Variants in ZNF714 observed in about 807,000 individuals in gnomAD.
ZNF714 encodes the protein zinc finger protein 714.
ZNF714 carries 32 observed loss-of-function variants against 46.2 expected under a neutral mutation model. The ratio of observed to expected loss-of-function variants is 0.69; its 90% CI spans 0.52 to 0.93. The LOEUF (loss-of-function observed/expected upper bound fraction) is 0.93, where lower values mean the gene tolerates loss of function less well. ZNF714 is among the 40% of genes least tolerant of loss of function. The pLI, the probability that ZNF714 is intolerant of heterozygous loss-of-function variation, is 0.00. For synonymous variants in ZNF714, 199 were observed against 213.1 expected (o/e 0.93, Z 0.58); for missense variants, 635 against 646.3 (o/e 0.98, Z 0.19).
rs899593487 is a variant in ZNF714 at position 21,122,343 on chromosome 19, T to C, written c.*4011T>C. The C allele has an allele frequency of 6.6e-6, 1 of 152,194 alleles. No homozygotes were observed. Among genetic ancestry groups the C allele is most frequent in the African/African-American group, 2.4e-5 (1 of 41,466 alleles). 9.4% of individuals were successfully genotyped at this position (152,194 alleles called of 1,614,324 possible). ...TGGAGTGGACATTTTTTCCAGACTATAAAACTGAATCTTGCTGAATTTAAA... is the reference window on the plus strand; with the variant it reads ...TGGAGTGGACATTTTTTCCAGACTACAAAACTGAATCTTGCTGAATTTAAA... On this transcript the variant is annotated 3_prime_UTR_variant, in exon 5 of 5. Coordinates refer to ENST00000456283, the MANE Select transcript of ZNF714 (RefSeq NM_182515.4).
At chr19:21,082,381 G>A (rs1968671489) in intron 1 of ZNF714, 33 bp downstream of exon 1, 1 of 1,456,306 alleles carries the variant, frequency 6.9e-7, no homozygotes, top group Non-Finnish European at 9.3e-7. Flanking sequence ...CCCGAGAGAG[G>A]GGAAGGGGCG....
intron 2 of ZNF714, among the ~76,000 whole-genome samples, chr19:21,085,189 T>C (rs1968747807): frequency 6.6e-6 from 1 of 152,148 alleles, no homozygotes; most frequent in Admixed American, 6.5e-5. Flanking sequence ...TACATGTCCA[T>C]AAGAAAATGT....
chr19:21,107,762 A>G (rs939788943), intron 4 of ZNF714, among the ~76,000 whole-genome samples: 2 of 152,106 alleles, frequency 1.3e-5, no homozygotes, highest in Admixed American at 6.5e-5. Context: ...AGCTCAAGCA[A>G]TCTTCCTGCC....
At chr19:21,104,604 T>A (rs1318763996) in intron 4 of ZNF714, among the ~76,000 whole-genome samples, 7 of 145,970 alleles carry the variant, frequency 4.8e-5, no homozygotes, top group African/African-American at 1.9e-4. Flanking sequence ...TTTTATTTAT[T>A]TATATATTTA....
In ZNF714 at chr19:21,121,108, T is replaced by G. The variant is rs550911522; in HGVS notation, c.*2776T>G. The G allele has an allele frequency of 6.6e-6, 1 of 152,228 alleles. No homozygotes were observed. The highest frequency in any genetic ancestry group is 1.5e-5 in the Non-Finnish European group (1 of 68,050). The allele number at this position is 152,228 out of a possible 1,614,324, so 9.4% of individuals were successfully genotyped here. On this transcript the variant is annotated 3_prime_UTR_variant, in exon 5 of 5. Transcript: ENST00000456283. ...GCTGGAGTGTGCAATCTCGGCTCAC[T>G]GCAAGCTCCACTTCCCGGGTTCACG...
chr19:21,085,276 G>A (rs1968749140), intron 2 of ZNF714, among the ~76,000 whole-genome samples: 1 of 152,148 alleles, frequency 6.6e-6, no homozygotes, highest in Non-Finnish European at 1.5e-5. Flanking sequence ...TTTTGACAGT[G>A]AATATCTGTG....
At chr19:21,097,806 A>G (rs1969079839) in intron 2 of ZNF714, among the ~76,000 whole-genome samples, 1 of 151,596 alleles carries the variant, frequency 6.6e-6, no homozygotes, top group Non-Finnish European at 1.5e-5. Flanking sequence ...TCACAACAGG[A>G]TCTCCAGTTT....
chr19:21,116,657 T>A, intron 4 of ZNF714, 150 bp from the exon 5 acceptor site: 1 of 991,722 alleles, frequency 1.0e-6, no homozygotes, highest in Non-Finnish European at 1.4e-6. Flanking sequence ...TATGCTTTTA[T>A]TACATTTATA....
In ZNF714 at chr19:21,116,999, C is replaced by A. The variant is rs764206279; in HGVS notation, c.335C>A (p.Thr112Asn). ...YNELNQCLTT[T>N]QSKIFPCDKY... is the part of the protein sequence containing the mutation. ...GAACTAAACCAGTGTTTGACAACTA[C>A]CCAGAGCAAAATATTTCCATGTGAT... The change falls in exon 5 of 5, where the codon ACC becomes AAC. Residue 112 changes from threonine (T) to asparagine (N), a missense_variant. Thr to Asn is a moderately conservative substitution (Grantham distance 65). Coordinates refer to ENST00000456283, the MANE Select transcript of ZNF714 (RefSeq NM_182515.4). 1 of 1,613,626 alleles carries A rather than the reference C, an allele frequency of 6.2e-7. No homozygotes were observed. Among genetic ancestry groups the A allele is most frequent in the South Asian group, 1.1e-5 (1 of 91,044 alleles).
chr19:21,119,045 C>A lies in ZNF714; in HGVS notation c.*713C>A. The A allele has an allele frequency of 2.4e-6, 1 of 417,040 alleles. No homozygotes were observed. The highest frequency in any genetic ancestry group is 7.8e-5 in the East Asian group (1 of 12,896). The allele number at this position is 417,040 out of a possible 1,614,324, so 25.8% of individuals were successfully genotyped here. ...CCATTAATATATGTTCATATCTCAA[C>A]ACCAGATAGTTCATACTTAATAAAA... On this transcript the variant is annotated 3_prime_UTR_variant, in exon 5 of 5. Transcript: ENST00000456283.
rs748687434 is a variant in ZNF714 at position 21,117,653 on chromosome 19, A to C, written c.989A>C (p.Lys330Thr). The C allele has an allele frequency of 4.3e-6, 7 of 1,609,612 alleles. No individual in the cohort carries two copies. In the Admixed American group the frequency reaches 1.2e-4, roughly 27 times the overall value. Residue 330 changes from lysine (K) to threonine (T), a missense_variant, in exon 5 of 5, where the codon AAA (lysine) becomes ACA (threonine). By Grantham distance (78) the Lys-to-Thr change is moderately conservative. Transcript: ENST00000456283. ...KGFNWSSTLTKHKRIHTGEKP... is the reference protein window; with the variant it reads ...KGFNWSSTLTTHKRIHTGEKP... ...TTTAACTGGTCTTCAACCCTTACAA[A>C]ACATAAAAGAATTCATACTGGAGAG...
rs772882547 is a variant in ZNF714, at chr19:21,117,590, G to C, written c.926G>C (p.Gly309Ala). 3 of 1,608,892 alleles carry C rather than the reference G, an allele frequency of 1.9e-6. No homozygotes were observed. Among genetic ancestry groups the C allele is most frequent in the South Asian group, 2.2e-5 (2 of 90,668 alleles). Residue 309 changes from glycine (G) to alanine (A), a missense_variant, in exon 5 of 5, where the codon GGA (glycine) becomes GCA (alanine). Transcript: ENST00000456283. ...ACTAAACATAAGATAATTCATTCTG[G>C]AGAGAAATCTTACAAATGTGAACAA... ...YLTKHKIIHS[G>A]EKSYKCEQCG...
chr19:21,112,331 G>A (rs1290431278), intron 4 of ZNF714, among the ~76,000 whole-genome samples: 1 of 152,158 alleles, frequency 6.6e-6, no homozygotes, highest in African/African-American at 2.4e-5. Flanking sequence ...GGATGGATAT[G>A]TCCAGCAGTT....
intron 4 of ZNF714, among the ~76,000 whole-genome samples, chr19:21,099,170 T>C (rs1351440475): frequency 1.3e-5 from 2 of 151,388 alleles, no homozygotes; most frequent in Admixed American, 1.3e-4. Context: ...CACTGTTTTT[T>C]TTTGTTTTGT....
At position 21,086,574 on chromosome 19, in the gene ZNF714, C is replaced by T. The variant is rs375676528; in HGVS notation, c.-85+2505C>T. On this transcript the variant is annotated intron_variant, in intron 2 of 4. Transcript: ENST00000456283. ...GCAGTGAGGGTGACCAGAGGTCACT[C>T]TCGTCACATCTTGGTTTTGGTGGGT... Among the ~76,000 whole-genome samples the T allele has an allele frequency of 2.6e-5, 4 of 152,086 alleles. No homozygotes were observed. In the South Asian group the frequency reaches 8.3e-4, roughly 32 times the overall value.
chr19:21,090,541 A>C (rs1447276787), intron 2 of ZNF714, among the ~76,000 whole-genome samples: 1 of 152,104 alleles, frequency 6.6e-6, no homozygotes, highest in African/African-American at 2.4e-5. Context: ...TGAGAGGTTT[A>C]CCCAGGTATA....
chr19:21,098,087 A>G (rs1409988320), intron 2 of ZNF714, 98 bp from the exon 3 acceptor site: 12 of 1,482,854 alleles, frequency 8.1e-6, no homozygotes, highest in Admixed American at 5.0e-5. Flanking sequence ...AAGTCAACCA[A>G]TTCTCTTTAC....
chr19:21,106,132 G>A (rs1969306225), intron 4 of ZNF714, among the ~76,000 whole-genome samples: 1 of 151,968 alleles, frequency 6.6e-6, no homozygotes, highest in Admixed American at 6.6e-5. Context: ...GCATGTGCCT[G>A]TAGTCCCACC....
At chr19:21,112,943 C>G (rs904058688) in intron 4 of ZNF714, among the ~76,000 whole-genome samples, 1 of 149,180 alleles carries the variant, frequency 6.7e-6, no homozygotes, top group African/African-American at 2.5e-5. Context: ...CTGCCTCAGC[C>G]TCCCAAGTAG....
Sources: gnomAD v4.1 joint callset for allele counts (sites outside exome capture counted in the v4.1 genomes callset) on GRCh38, gnomAD v4.1.1 for gene constraint, MANE v1.5 for transcripts, NCBI Gene and HGNC (gene_info 2026-07-23, HGNC 2026-07-21) for gene names.